Variants in AGPS observed in about 807,000 individuals in gnomAD.
AGPS encodes alkylglycerone phosphate synthase.
AGPS carries 26 observed loss-of-function variants against 90.7 expected under a neutral mutation model. That is an observed-to-expected ratio of 0.29 (90% CI 0.21 to 0.40). The LOEUF is 0.40. Among genes scored for constraint, AGPS ranks in the 10% least tolerant of loss-of-function variants. The pLI is 1.00. For synonymous variants in AGPS, 294 were observed against 285.3 expected, an observed-to-expected ratio of 1.03 and a Z score of -0.31; for missense variants, 540 against 816.1, an observed-to-expected ratio of 0.66 and a Z score of 4.12.
At chr2:177,466,221 G>A (rs952577504) in intron 9 of AGPS, among the ~76,000 whole-genome samples, 17 of 152,184 alleles carry the variant, frequency 1.1e-4, no homozygotes, top group African/African-American at 4.1e-4. Context: ...ATGAGTGTCA[G>A]CTCTCAGCAG....
chr2:177,534,541 C>T (rs2079165886), intron 19 of AGPS, among the ~76,000 whole-genome samples: 1 of 93,760 alleles, frequency 1.1e-5, no homozygotes, highest in South Asian at 4.3e-4. Context: ...AAGCACAGCC[C>T]CCCACCCCCC....
Position 177,542,190 on chromosome 2 carries a change from A to G in AGPS, c.*3995A>G, listed in dbSNP as rs1247437654. The G allele has an allele frequency of 1.3e-5, 2 of 152,172 alleles. No individual in the cohort carries two copies. The highest frequency in any genetic ancestry group is 2.9e-5 in the Non-Finnish European group (2 of 68,024). The allele number at this position is 152,172 out of a possible 1,614,324, so 9.4% of individuals were successfully genotyped here. A position where few individuals can be genotyped will look rare whatever the true frequency, so the allele number is the denominator to read the frequency against. On this transcript the variant is annotated 3_prime_UTR_variant, in exon 20 of 20. Transcript: ENST00000264167. ...AATTTTGTTGCTTGTAGCATAATCA[A>G]GTGCAAAATCAAGTGCAACCTACTT...
chr2:177,479,385 G>C (rs1468675342), intron 10 of AGPS, among the ~76,000 whole-genome samples: 2 of 152,084 alleles, frequency 1.3e-5, no homozygotes, highest in African/African-American at 4.8e-5. Flanking sequence ...ATATGGAATA[G>C]GATCAAAATT....
chr2:177,486,295 T>C (rs1484737189), intron 11 of AGPS, among the ~76,000 whole-genome samples: 3 of 152,232 alleles, frequency 2.0e-5, no homozygotes, highest in Admixed American at 6.5e-5. Flanking sequence ...TTAATGTTTA[T>C]CTTACCTGGA....
rs1480538529 is a variant in AGPS at position 177,422,368 on chromosome 2, TA to T, written c.350+2011del. Reference sequence around the variant, plus strand: ...ATTTGATGGTCTTGATAGAGATTTTTATACAGGCTGTAATAGAACCAGAGAA... The same window carrying T: ...ATTTGATGGTCTTGATAGAGATTTTTTACAGGCTGTAATAGAACCAGAGAA... On this transcript the variant is annotated intron_variant, in intron 2 of 19. Transcript: ENST00000264167. Among the ~76,000 whole-genome samples, 15 of 152,306 alleles carry T rather than the reference TA, an allele frequency of 9.8e-5. No homozygotes were observed. The East Asian group carries it at 2.9e-3, about 29-fold the overall frequency.
intron 8 of AGPS, among the ~76,000 whole-genome samples, chr2:177,458,790 C>T (rs1368295112): frequency 6.6e-6 from 1 of 152,180 alleles, no homozygotes; most frequent in Non-Finnish European, 1.5e-5. Flanking sequence ...CATCAAGCTA[C>T]CACTTACTTT....
rs149028019 is a variant in AGPS, at chr2:177,428,303, C to T, written c.351-6024C>T. On this transcript the variant is annotated intron_variant, in intron 2 of 19. Transcript: ENST00000264167. ...CCTTGCAATTCTGTGTCTTTTAATT[C>T]GGGCATTTAGCCCATTTACATTTAA... Among the ~76,000 whole-genome samples the T allele has an allele frequency of 4.0e-3, 616 of 152,220 alleles. 5 individuals are homozygous for T. Among genetic ancestry groups the T allele is most frequent in the East Asian group, 0.032 (168 of 5,178 alleles).
rs897308868 is a variant in AGPS at position 177,480,527 on chromosome 2, A to G, written c.1106-1532A>G. On this transcript the variant is annotated intron_variant, in intron 10 of 19. Coordinates refer to ENST00000264167, the MANE Select transcript of AGPS (RefSeq NM_003659.4). ...CTCACTCATAGGTGGGAGTTGAACA[A>G]TGAGAACACTTGGACACAGGAAGGG... Among the ~76,000 whole-genome samples, 3 of 152,160 alleles carry G rather than the reference A, an allele frequency of 2.0e-5. No homozygotes were observed. The South Asian group carries it at 6.2e-4, about 32-fold the overall frequency.
At chr2:177,496,093 A>G (rs955795212) in intron 12 of AGPS, among the ~76,000 whole-genome samples, 1 of 152,202 alleles carries the variant, frequency 6.6e-6, no homozygotes, top group African/African-American at 2.4e-5. Flanking sequence ...CTTCAAAGCT[A>G]TCATGTCACC....
intron 17 of AGPS, among the ~76,000 whole-genome samples, 183 bp downstream of exon 17, chr2:177,514,091 C>T (rs1688957108): frequency 6.6e-6 from 1 of 152,030 alleles, no homozygotes; most frequent in Admixed American, 6.6e-5. Context: ...TAGTCCTGAG[C>T]CTTTTAGGAG....
chr2:177,403,672 A>T (rs1685389962), intron 1 of AGPS, among the ~76,000 whole-genome samples: 1 of 152,258 alleles, frequency 6.6e-6, no homozygotes, highest in Non-Finnish European at 1.5e-5. Context: ...CCGCTATAGC[A>T]CATTGGCTTA....
intron 8 of AGPS, among the ~76,000 whole-genome samples, chr2:177,448,296 T>C (rs1686835343): frequency 6.6e-6 from 1 of 152,154 alleles, no homozygotes; most frequent in African/African-American, 2.4e-5. Flanking sequence ...AATAAGTTAA[T>C]AATGTGAACT....
intron 19 of AGPS, among the ~76,000 whole-genome samples, chr2:177,526,389 A>G (rs1036757734): frequency 6.6e-6 from 1 of 151,940 alleles, no homozygotes; most frequent in Non-Finnish European, 1.5e-5. Context: ...GCCACAATTC[A>G]TGGCTAATTC....
intron 8 of AGPS, among the ~76,000 whole-genome samples, chr2:177,446,866 A>C (rs917359060): frequency 6.6e-6 from 1 of 152,320 alleles, no homozygotes; most frequent in Admixed American, 6.5e-5. Context: ...AATTTCATTG[A>C]CAACTACTCA....
chr2:177,490,766 A>G (rs1688230300), intron 11 of AGPS, among the ~76,000 whole-genome samples: 2 of 150,648 alleles, frequency 1.3e-5, no homozygotes, highest in African/African-American at 4.9e-5. Context: ...CACTTCATAT[A>G]TTCAACAATA....
chr2:177,538,463 A>C lies in AGPS; in HGVS notation c.*268A>C, dbSNP rs781415904. On this transcript the variant is annotated 3_prime_UTR_variant, in exon 20 of 20. Coordinates refer to ENST00000264167, the MANE Select transcript of AGPS (RefSeq NM_003659.4). The stretch of plus-strand genomic sequence containing the variant: ...TTAGTCAGGCAGCACAAAGCTGTCA[A>C]TTATTCCAGAGGAAGCTGCTGCCAG... 3 of 438,718 alleles carry C rather than the reference A, an allele frequency of 6.8e-6. No homozygotes were observed. The highest frequency in any genetic ancestry group is 9.5e-5 in the East Asian group (2 of 21,132). The allele number at this position is 438,718 out of a possible 1,614,324, so 27.2% of individuals were successfully genotyped here.
intron 11 of AGPS, among the ~76,000 whole-genome samples, chr2:177,487,519 A>C (rs74825098): frequency 0.035 from 5,360 of 152,150 alleles, 214 homozygotes; most frequent in African/African-American, 0.098. Flanking sequence ...GGAAGACATA[A>C]ATTTTATGAA....
At chr2:177,502,681 T>G (rs1432038305) in intron 14 of AGPS, among the ~76,000 whole-genome samples, 2 of 152,134 alleles carry the variant, frequency 1.3e-5, no homozygotes, top group African/African-American at 2.4e-5. Context: ...TACTCCCACC[T>G]TGGCCTCCCA....
chr2:177,535,717 T>C (rs923091382), intron 19 of AGPS, among the ~76,000 whole-genome samples: 1 of 152,190 alleles, frequency 6.6e-6, no homozygotes, highest in African/African-American at 2.4e-5. Flanking sequence ...GTGAAGTAGT[T>C]GACTTAAATT....
Sources: allele counts gnomAD v4.1 joint callset (sites outside exome capture counted in the v4.1 genomes callset), GRCh38; gene constraint gnomAD v4.1.1; transcripts MANE v1.5; gene names NCBI Gene and HGNC (gene_info 2026-07-23, HGNC 2026-07-21).